RGR: variants seen among roughly 807,000 people sequenced by gnomAD.
RGR encodes the protein RPE-retinal G protein-coupled receptor.
Under a neutral mutation model 28.6 loss-of-function variants are expected in RGR, and 30 were observed. The ratio of observed to expected loss-of-function variants is 1.05; its 90% CI spans 0.78 to 1.42. The LOEUF is 1.42. RGR is among the 40% of genes most tolerant of loss of function. The pLI is 0.00. For synonymous variants in RGR, 180 were observed against 156.4 expected (o/e 1.15, Z -1.13); for missense variants, 404 against 375.6 (o/e 1.08, Z -0.62).
At chr10:84,248,746 A>G in intron 2 of RGR, 176 bp from the exon 3 acceptor site, 1 of 1,128,772 alleles carries the variant, frequency 8.9e-7, no homozygotes, top group Non-Finnish European at 1.3e-6. Flanking sequence ...ATTGGGCTCC[A>G]CCCCTTCAGC....
At position 84,246,893 on chromosome 10, in the gene RGR, T is replaced by C. The variant is rs563025965; in HGVS notation, c.80-698T>C. 1.8e-4 allele frequency among the ~76,000 whole-genome samples: 27 copies of C among 152,368 alleles called. No homozygotes were observed. The South Asian group carries it at 3.7e-3, about 21-fold the overall frequency. On this transcript the variant is annotated intron_variant, in intron 1 of 6. Transcript: ENST00000652092. ...GATGGTCATTCTTATAGGAGTAAGGTGGTATCTCATTGTACCATAGCATGT... is the reference window on the plus strand; with the variant it reads ...GATGGTCATTCTTATAGGAGTAAGGCGGTATCTCATTGTACCATAGCATGT...
At chr10:84,246,359 G>A (rs540539407) in intron 1 of RGR, among the ~76,000 whole-genome samples, 9 of 152,116 alleles carry the variant, frequency 5.9e-5, no homozygotes, top group Admixed American at 2.6e-4. Context: ...TCATTTGTAG[G>A]TTTTTTTAAT....
chr10:84,245,180 C>G lies in RGR; in HGVS notation c.79+11C>G, dbSNP rs762090603. The G allele has an allele frequency of 1.9e-6, 3 of 1,611,570 alleles. No homozygotes were observed. Among genetic ancestry groups the G allele is most frequent in the Admixed American group, 3.3e-5 (2 of 59,946 alleles). On this transcript the variant is annotated intron_variant, in intron 1 of 6. Transcript: ENST00000652092. The stretch of plus-strand genomic sequence containing the variant: ...TGCTACTGGTGGAAGGTGAGCCAGG[C>G]AGAACCTGGGGTGCAGCGGGGGCCC...
intron 5 of RGR, chr10:84,255,225 A>C (rs975671867): frequency 6.4e-6 from 1 of 155,678 alleles, no homozygotes; most frequent in Non-Finnish European, 1.4e-5. Flanking sequence ...GCTTGTGCAC[A>C]GCATAGGATG....
At chr10:84,249,171 A>C in intron 3 of RGR, 128 bp downstream of exon 3, 1 of 1,343,760 alleles carries the variant, frequency 7.4e-7, no homozygotes, top group South Asian at 1.3e-5. Context: ...GGTAGGTGTG[A>C]GTGTGCATGC....
At chr10:84,252,121 G>A (rs959003526) in intron 3 of RGR, among the ~76,000 whole-genome samples, 7 of 151,998 alleles carry the variant, frequency 4.6e-5, no homozygotes, top group Non-Finnish European at 8.8e-5. Context: ...GCAGCAGAGA[G>A]GGGGGCTTCA....
rs752799440 is a variant in RGR at position 84,252,882 on chromosome 10, C to A, written c.384C>A (p.Ala128=). ...GTAGCCAGCTGGCCTGGAACTCAGCCGTCTCTCTGGTGCTCTTCGTGTGGC... is the reference window on the plus strand; with the variant it reads ...GTAGCCAGCTGGCCTGGAACTCAGCAGTCTCTCTGGTGCTCTTCGTGTGGC... ...CTRSQLAWNS[A]VSLVLFVWLS... is the part of the protein sequence containing the mutation. The change falls in exon 4 of 7, where the codon GCC becomes GCA. Residue 128 remains alanine (A), a synonymous_variant. Coordinates refer to ENST00000652092, the MANE Select transcript of RGR (RefSeq NM_001012720.2). The A allele has an allele frequency of 3.7e-6, 6 of 1,614,130 alleles. No individual in the cohort carries two copies. Among genetic ancestry groups the A allele is most frequent in the Admixed American group, 3.3e-5 (2 of 60,020 alleles).
Position 84,245,085 on chromosome 10 carries a change from G to C in RGR, c.-6G>C, listed in dbSNP as rs764370466. 2 of 1,613,530 alleles carry C rather than the reference G, an allele frequency of 1.2e-6. No individual in the cohort carries two copies. Among genetic ancestry groups the C allele is most frequent in the East Asian group, 4.5e-5 (2 of 44,864 alleles). The stretch of plus-strand genomic sequence containing the variant: ...GCTGGGCCACTGGCAGTGAGGGAGA[G>C]TGAGGATGGCAGAGACCAGTGCCCT... On this transcript the variant is annotated 5_prime_UTR_variant, in exon 1 of 7. Coordinates refer to ENST00000652092, the MANE Select transcript of RGR (RefSeq NM_001012720.2).
chr10:84,257,894 T>A lies in RGR; in HGVS notation c.632T>A (p.Val211Glu), dbSNP rs750440623. ...QKLGKSGHLQVNTTLPARTLL... is the reference protein window; with the variant it reads ...QKLGKSGHLQENTTLPARTLL... ...TCTCCTGTGACAATTTCTCCCCAGG[T>A]AAACACCACTCTGCCAGCAAGGACG... The change falls in exon 6 of 7, where the codon GTA becomes GAA. Residue 211 changes from valine (V) to glutamate (E), a missense_variant and splice_region_variant. Transcript: ENST00000652092. 1.9e-6 allele frequency: 3 copies of A among 1,613,686 alleles called. No homozygotes were observed. In the African/African-American group the frequency reaches 4.0e-5, roughly 22 times the overall value.
chr10:84,258,339 A>G (rs1418126372), intron 6 of RGR, among the ~76,000 whole-genome samples, 169 bp from the exon 7 acceptor site: 2 of 152,254 alleles, frequency 1.3e-5, no homozygotes, highest in Middle Eastern at 3.4e-3. Flanking sequence ...GTATGGCTCC[A>G]TGGACTCCGT....
In RGR at chr10:84,254,935, A is replaced by T. The variant is rs77811086; in HGVS notation, c.630+492A>T. On this transcript the variant is annotated intron_variant, in intron 5 of 6. Coordinates refer to ENST00000652092, the MANE Select transcript of RGR (RefSeq NM_001012720.2). The stretch of plus-strand genomic sequence containing the variant: ...GAGCTGCCCCTGACAGGTTTGGTCC[A>T]GACCTAGCTGGCCACAGGAGCTTCT... 7.8e-3 allele frequency among the ~76,000 whole-genome samples: 1,195 copies of T among 152,342 alleles called. 15 individuals carry two copies. The highest frequency in any genetic ancestry group is 0.027 in the African/African-American group (1,111 of 41,570).
chr10:84,245,236 TG>T, intron 1 of RGR, 67 bp downstream of exon 1: 1 of 1,530,112 alleles, frequency 6.5e-7, no homozygotes, highest in Non-Finnish European at 9.0e-7. Context: ...GCCACCAGTG[TG>T]GAGCTGGCAA....
In RGR at chr10:84,258,846, C is replaced by G; in HGVS notation, c.*207C>G. 1 of 657,700 alleles carries G rather than the reference C, an allele frequency of 1.5e-6. No homozygotes were observed. The highest frequency in any genetic ancestry group is 2.6e-6 in the Non-Finnish European group (1 of 381,606). 40.7% of individuals were successfully genotyped at this position (657,700 alleles called of 1,614,324 possible). Reference sequence around the variant, plus strand: ...AGTGTCGGTCACAGCCCCCTACACTCAAGGCTGAGAGGCCTCAGGAAAGTC... The same window carrying G: ...AGTGTCGGTCACAGCCCCCTACACTGAAGGCTGAGAGGCCTCAGGAAAGTC... On this transcript the variant is annotated 3_prime_UTR_variant, in exon 7 of 7. Coordinates refer to ENST00000652092, the MANE Select transcript of RGR (RefSeq NM_001012720.2).
rs74625611 is a variant in RGR at position 84,248,180 on chromosome 10, G to T, written c.236+433G>T. The T allele has an allele frequency of 1.7e-3, 2,077 of 1,226,350 alleles. 26 individuals are homozygous for T. In the African/African-American group the frequency reaches 0.027, roughly 16 times the overall value. The allele number at this position is 1,226,350 out of a possible 1,614,324, so 76.0% of individuals were successfully genotyped here. A position where few individuals can be genotyped will look rare whatever the true frequency, so the allele number is the denominator to read the frequency against. The stretch of plus-strand genomic sequence containing the variant: ...TACGTAAGTGTTTGTGAACACAAAT[G>T]GGGGCGTTATCACCACTACTGCACC... On this transcript the variant is annotated intron_variant, in intron 2 of 6. Transcript: ENST00000652092.
intron 1 of RGR, 23 bp downstream of exon 1, chr10:84,245,192 T>A: frequency 1.2e-6 from 2 of 1,608,864 alleles, no homozygotes; most frequent in Non-Finnish European, 8.5e-7. Flanking sequence ...GAACCTGGGG[T>A]GCAGCGGGGG....
chr10:84,257,560 C>A (rs1215576985), intron 5 of RGR, among the ~76,000 whole-genome samples: 1 of 152,212 alleles, frequency 6.6e-6, no homozygotes, highest in African/African-American at 2.4e-5. Flanking sequence ...CATAGTGAGA[C>A]CCCTTCTGTA....
intron 3 of RGR, chr10:84,250,418 G>T: frequency 1.4e-6 from 1 of 717,260 alleles, no homozygotes; most frequent in South Asian, 1.5e-5. Flanking sequence ...ATCATTTTGA[G>T]TGGCGATAGG....
At chr10:84,248,798 T>C in intron 2 of RGR, 124 bp from the exon 3 acceptor site, 2 of 1,574,598 alleles carry the variant, frequency 1.3e-6, no homozygotes, top group Non-Finnish European at 1.7e-6. Flanking sequence ...AAGACACCAA[T>C]ATTAAGGCCC....
At chr10:84,256,705 C>A (rs1187016252) in intron 5 of RGR, among the ~76,000 whole-genome samples, 2 of 152,174 alleles carry the variant, frequency 1.3e-5, no homozygotes, top group Non-Finnish European at 2.9e-5. Context: ...CTGTCCTCCG[C>A]GATGCCGGTC....
Sources: allele counts gnomAD v4.1 joint callset (sites outside exome capture counted in the v4.1 genomes callset), GRCh38; gene constraint gnomAD v4.1.1; transcripts MANE v1.5; gene names NCBI Gene and HGNC (gene_info 2026-07-23, HGNC 2026-07-21).